Variants in SLIT3 observed in about 807,000 individuals in gnomAD.
SLIT3 encodes the protein slit guidance ligand 3.
SLIT3 carries 68 observed loss-of-function variants against 184.0 expected under a neutral mutation model. The ratio of observed to expected loss-of-function variants is 0.37; its 90% CI spans 0.30 to 0.45. The LOEUF is 0.45. Ranked by LOEUF, SLIT3 falls within the 20% of genes least tolerant of loss-of-function variation. The pLI, the probability that SLIT3 is intolerant of heterozygous loss-of-function variation, is 1.00. For synonymous variants in SLIT3, 831 were observed against 828.6 expected (o/e 1.00, Z -0.05); for missense variants, 1,707 against 2,026.0 (o/e 0.84, Z 3.02).
intron 4 of SLIT3, among the ~76,000 whole-genome samples, chr5:168,984,572 T>C (rs1755062052): frequency 6.6e-6 from 1 of 152,144 alleles, no homozygotes; most frequent in Non-Finnish European, 1.5e-5. Context: ...CACTGAAATA[T>C]CAAGGTGAGG....
chr5:168,930,206 T>G (rs1384187772), intron 4 of SLIT3, among the ~76,000 whole-genome samples: 1 of 152,112 alleles, frequency 6.6e-6, no homozygotes, highest in African/African-American at 2.4e-5. Flanking sequence ...CCCTCCTACC[T>G]TTGACACCCC....
At chr5:168,868,569 G>A (rs780771683) in intron 5 of SLIT3, among the ~76,000 whole-genome samples, 24 of 152,000 alleles carry the variant, frequency 1.6e-4, no homozygotes, top group Non-Finnish European at 2.1e-4. Flanking sequence ...CCAACATGGT[G>A]AAACCCTGTC....
At chr5:169,066,440 A>C (rs1328720184) in intron 4 of SLIT3, among the ~76,000 whole-genome samples, 3 of 152,202 alleles carry the variant, frequency 2.0e-5, no homozygotes, top group Non-Finnish European at 4.4e-5. Flanking sequence ...GCATGAAAAA[A>C]CGCTCAACTT....
intron 4 of SLIT3, among the ~76,000 whole-genome samples, chr5:168,913,212 G>A (rs1000215945): frequency 6.6e-6 from 1 of 152,158 alleles, no homozygotes; most frequent in South Asian, 2.1e-4. Flanking sequence ...TTAGGGTCAG[G>A]GTTAGGGTTT....
At chr5:169,135,020 G>C (rs774508244) in intron 4 of SLIT3, among the ~76,000 whole-genome samples, 1 of 152,204 alleles carries the variant, frequency 6.6e-6, no homozygotes, top group African/African-American at 2.4e-5. Context: ...TGGACTATGT[G>C]TTGTGACACT....
chr5:169,015,765 G>T (rs947493988), intron 4 of SLIT3, among the ~76,000 whole-genome samples: 2 of 151,792 alleles, frequency 1.3e-5, no homozygotes, highest in Non-Finnish European at 1.5e-5. Context: ...ACAAAACACA[G>T]CAAAAACAAA....
rs554574360 is a variant in SLIT3, at chr5:169,290,226, C to T, written c.197+10287G>A. ...ATATGCTAGGGCACACGCTAGGGTG[C>T]GCACTAGGGCACATGCTAGGGCACA... On this transcript the variant is annotated intron_variant, in intron 1 of 35. Coordinates refer to ENST00000519560, the MANE Select transcript of SLIT3 (RefSeq NM_003062.4). Among the ~76,000 whole-genome samples the T allele has an allele frequency of 6.8e-5, 10 of 147,178 alleles. No individual in the cohort carries two copies. In the South Asian group the frequency reaches 1.3e-3, roughly 19 times the overall value.
chr5:168,983,923 G>A lies in SLIT3; in HGVS notation c.414-100587C>T, dbSNP rs111974989. ...AAAAGAAAAGAGAGGCCTGGCTCACGCCTGTAATCCCATCACTTTGGGAGG... is the reference window on the plus strand; with the variant it reads ...AAAAGAAAAGAGAGGCCTGGCTCACACCTGTAATCCCATCACTTTGGGAGG... On this transcript the variant is annotated intron_variant, in intron 4 of 35. Coordinates refer to ENST00000519560, the MANE Select transcript of SLIT3 (RefSeq NM_003062.4). 6.3e-4 allele frequency among the ~76,000 whole-genome samples: 96 copies of A among 152,158 alleles called. 1 individual carries two copies. The highest frequency in any genetic ancestry group is 2.1e-3 in the African/African-American group (87 of 41,520).
At chr5:169,224,651 A>G (rs1299317151) in intron 3 of SLIT3, among the ~76,000 whole-genome samples, 1 of 151,944 alleles carries the variant, frequency 6.6e-6, no homozygotes, top group African/African-American at 2.4e-5. Flanking sequence ...TACAGACATG[A>G]GCCACTGCAC....
intron 4 of SLIT3, among the ~76,000 whole-genome samples, chr5:169,107,869 T>C (rs981763347): frequency 4.6e-4 from 70 of 152,358 alleles, no homozygotes; most frequent in African/African-American, 1.5e-3. Flanking sequence ...ACTTTCTTCT[T>C]CCTTTTAATT....
In SLIT3 at chr5:168,665,791, C is replaced by A. The variant is rs374964473; in HGVS notation, c.*663G>T. 6.6e-6 allele frequency: 1 copy of A among 152,288 alleles called. No individual in the cohort carries two copies. Among genetic ancestry groups the A allele is most frequent in the African/African-American group, 2.4e-5 (1 of 41,424 alleles). The allele number at this position is 152,288 out of a possible 1,614,324, so 9.4% of individuals were successfully genotyped here. On this transcript the variant is annotated 3_prime_UTR_variant, in exon 36 of 36. Transcript: ENST00000519560. ...AGATACCCTGAAGGGGGGTCTGGGA[C>A]AGACAGGGACAGCAATATTTTTGAG... is the stretch of plus-strand genomic sequence containing the variant.
At chr5:168,713,440 A>G (rs965203952) in intron 23 of SLIT3, among the ~76,000 whole-genome samples, 7 of 152,226 alleles carry the variant, frequency 4.6e-5, no homozygotes, top group Admixed American at 4.6e-4. Context: ...TATATTCTCC[A>G]TTAAAGGATT....
chr5:169,064,711 C>A (rs1207957067), intron 4 of SLIT3, among the ~76,000 whole-genome samples: 2 of 152,200 alleles, frequency 1.3e-5, no homozygotes, highest in Non-Finnish European at 2.9e-5. Flanking sequence ...CTCTGTGCAT[C>A]TTCTGTCCCG....
chr5:168,968,389 C>T (rs1763288450), intron 4 of SLIT3, among the ~76,000 whole-genome samples: 1 of 152,204 alleles, frequency 6.6e-6, no homozygotes, highest in Non-Finnish European at 1.5e-5. Context: ...TGGACAGCAG[C>T]AGAGAGACGA....
chr5:168,678,171 C>T lies in SLIT3; in HGVS notation c.3687-4840G>A, dbSNP rs538447851. On this transcript the variant is annotated intron_variant, in intron 32 of 35. Coordinates refer to ENST00000519560, the MANE Select transcript of SLIT3 (RefSeq NM_003062.4). Reference sequence around the variant, plus strand: ...GGTAGGTGCTCATGGGTTAACAGGTCGCCTCTTCCTGGCAACTTTTAACCA... The same window carrying T: ...GGTAGGTGCTCATGGGTTAACAGGTTGCCTCTTCCTGGCAACTTTTAACCA... 1.7e-4 allele frequency among the ~76,000 whole-genome samples: 26 copies of T among 152,238 alleles called. No homozygotes were observed. In the East Asian group the frequency reaches 4.6e-3, roughly 27 times the overall value.
chr5:169,186,499 T>C (rs1561723401), intron 4 of SLIT3, among the ~76,000 whole-genome samples: 1 of 152,248 alleles, frequency 6.6e-6, no homozygotes, highest in African/African-American at 2.4e-5. Flanking sequence ...ATAGGAGCTA[T>C]GATTAGCATT....
At chr5:169,148,854 G>A (rs368967398) in intron 4 of SLIT3, among the ~76,000 whole-genome samples, 14 of 151,226 alleles carry the variant, frequency 9.3e-5, no homozygotes, top group African/African-American at 3.2e-4. Flanking sequence ...AAGACAAATC[G>A]GTGATGTTTG....
intron 16 of SLIT3, among the ~76,000 whole-genome samples, chr5:168,758,232 T>C (rs1425186598): frequency 6.6e-6 from 1 of 152,220 alleles, no homozygotes; most frequent in Non-Finnish European, 1.5e-5. Context: ...GTTTGTGCTG[T>C]TGTTTTCTGG....
intron 20 of SLIT3, among the ~76,000 whole-genome samples, chr5:168,726,205 A>AATGCATTCATTCATGC (rs1485042679): frequency 6.6e-6 from 1 of 151,758 alleles, no homozygotes; most frequent in Non-Finnish European, 1.5e-5. Context: ...AGCCAAGAGA[A>AATGCATTCATTCATGC]ATGCATTCAT....
Sources: gnomAD v4.1 joint callset for allele counts (sites outside exome capture counted in the v4.1 genomes callset) on GRCh38, gnomAD v4.1.1 for gene constraint, MANE v1.5 for transcripts, NCBI Gene and HGNC (gene_info 2026-07-23, HGNC 2026-07-21) for gene names.